The following UBE2R2 variants were observed in gnomAD, a reference collection of about 807,000 sequenced individuals.
UBE2R2 encodes ubiquitin conjugating enzyme E2 R2.
A neutral mutation model predicts 27.8 loss-of-function variants in UBE2R2; 1 was observed. The observed-to-expected ratio is 0.04, with a 90% CI of 0.01 to 0.17. The LOEUF (loss-of-function observed/expected upper bound fraction) is 0.17, where lower values mean the gene tolerates loss of function less well. Ranked by LOEUF, UBE2R2 falls within the 10% of genes least tolerant of loss-of-function variation. The probability of loss-of-function intolerance (pLI) is 1.00; values close to 1 mark genes in which losing one functional copy is unlikely to be tolerated. For synonymous variants in UBE2R2, 106 were observed against 113.3 expected, an observed-to-expected ratio of 0.94 and a Z score of 0.41; for missense variants, 100 against 291.0, an observed-to-expected ratio of 0.34 and a Z score of 4.78.
intron 3 of UBE2R2, among the ~76,000 whole-genome samples, chr9:33,906,753 T>A (rs976156162): frequency 3.9e-5 from 6 of 152,178 alleles, no homozygotes; most frequent in Non-Finnish European, 7.3e-5. Flanking sequence ...AATACTTCTT[T>A]AGGCCAGGCG....
intron 1 of UBE2R2, among the ~76,000 whole-genome samples, chr9:33,821,880 A>G (rs757046179): frequency 7.2e-5 from 11 of 152,064 alleles, no homozygotes; most frequent in Non-Finnish European, 1.5e-4. Flanking sequence ...CAGCCTCCCA[A>G]AATGTAATCC....
chr9:33,889,781 T>G (rs1395181352), intron 2 of UBE2R2, among the ~76,000 whole-genome samples: 1 of 152,124 alleles, frequency 6.6e-6, no homozygotes, highest in Non-Finnish European at 1.5e-5. Flanking sequence ...TCTGCCTCCC[T>G]TCAAGGATTC....
intron 4 of UBE2R2, among the ~76,000 whole-genome samples, chr9:33,915,461 TC>T (rs1393066837): frequency 6.6e-6 from 1 of 152,062 alleles, no homozygotes; most frequent in Non-Finnish European, 1.5e-5. Context: ...AGAGATGATG[TC>T]CCAGGGAGAG....
At chr9:33,849,456 C>G (rs1417767747) in intron 1 of UBE2R2, among the ~76,000 whole-genome samples, 1 of 151,884 alleles carries the variant, frequency 6.6e-6, no homozygotes, top group East Asian at 1.9e-4. Context: ...ATCAAACAAC[C>G]ATTAGTTACT....
intron 3 of UBE2R2, among the ~76,000 whole-genome samples, chr9:33,911,754 ATTTT>A (rs911588963): frequency 6.6e-6 from 1 of 151,848 alleles, no homozygotes; most frequent in Admixed American, 6.6e-5. Context: ...GCTGAAAAAA[ATTTT>A]TTTTTATTTT....
At chr9:33,898,117 G>T (rs889990043) in intron 2 of UBE2R2, among the ~76,000 whole-genome samples, 3 of 151,638 alleles carry the variant, frequency 2.0e-5, no homozygotes, top group African/African-American at 7.3e-5. Flanking sequence ...ATGGAGTCTC[G>T]CTCTGCCGCC....
rs576539462 is a variant in UBE2R2, at chr9:33,897,779, T to C, written c.265-2395T>C. On this transcript the variant is annotated intron_variant, in intron 2 of 4. Transcript: ENST00000263228. ...CAAGTTTCTCTTTTCTTTTTTCTTT[T>C]TTTTTTTTTTTTTGAGATGGAGTTT... Among the ~76,000 whole-genome samples the C allele has an allele frequency of 2.7e-5, 4 of 149,434 alleles. 2 individuals are homozygous for C. The South Asian group carries it at 8.5e-4, about 32-fold the overall frequency.
intron 1 of UBE2R2, among the ~76,000 whole-genome samples, chr9:33,865,475 C>T (rs567386536): frequency 3.3e-5 from 5 of 152,218 alleles, no homozygotes; most frequent in African/African-American, 7.2e-5. Flanking sequence ...GGATTACAGG[C>T]GTGAGCCACC....
chr9:33,916,929 ATAAG>A (rs571833310), intron 4 of UBE2R2, 85 bp from the exon 5 acceptor site: 2 of 1,524,982 alleles, frequency 1.3e-6, no homozygotes, highest in Non-Finnish European at 1.8e-6. Context: ...GAGCTGAGTC[ATAAG>A]TAATATTGAT....
chr9:33,872,335 G>A (rs1306843289), intron 1 of UBE2R2, among the ~76,000 whole-genome samples: 2 of 152,090 alleles, frequency 1.3e-5, no homozygotes, highest in African/African-American at 4.8e-5. Context: ...TGAGGCTGCA[G>A]TGAGCTGTGA....
chr9:33,904,779 C>T (rs1252985020), intron 3 of UBE2R2, among the ~76,000 whole-genome samples: 1 of 152,192 alleles, frequency 6.6e-6, no homozygotes, highest in African/African-American at 2.4e-5. Flanking sequence ...CCACAGGCCT[C>T]CTCCTCCCAG....
intron 2 of UBE2R2, among the ~76,000 whole-genome samples, chr9:33,887,366 G>A (rs1340711807): frequency 2.6e-5 from 4 of 152,194 alleles, no homozygotes; most frequent in Non-Finnish European, 5.9e-5. Flanking sequence ...TTGGTAGGGG[G>A]AGCGGGATTT....
At chr9:33,854,673 C>T (rs193219383) in intron 1 of UBE2R2, among the ~76,000 whole-genome samples, 4 of 151,414 alleles carry the variant, frequency 2.6e-5, no homozygotes, top group Non-Finnish European at 5.9e-5. Context: ...TTTTTTTCTA[C>T]ATGATTAGTT....
intron 1 of UBE2R2, among the ~76,000 whole-genome samples, chr9:33,865,053 G>T (rs749213707): frequency 1.4e-4 from 21 of 150,872 alleles, no homozygotes; most frequent in Admixed American, 3.3e-4. Context: ...TAGAGATGGG[G>T]TCTTGACATG....
At position 33,831,936 on chromosome 9, in the gene UBE2R2, C is replaced by CAGG. The variant is rs1214915456; in HGVS notation, c.177+14002_177+14003insAGG. On this transcript the variant is annotated intron_variant, in intron 1 of 4. Coordinates refer to ENST00000263228, the MANE Select transcript of UBE2R2 (RefSeq NM_017811.4). ...TCAGCCTCCCAAAGTGCTGGGATTA[C>CAGG]TGGCGTGTGCCACCGCGCCCGACCT... 9.1e-3 allele frequency among the ~76,000 whole-genome samples: 1,381 copies of CAGG among 152,034 alleles called. 22 individuals are homozygous for CAGG. Among genetic ancestry groups the CAGG allele is most frequent in the African/African-American group, 0.031 (1,299 of 41,552 alleles).
chr9:33,865,835 G>GTTTTTTTTTTTTT, intron 1 of UBE2R2, among the ~76,000 whole-genome samples: 1 of 137,020 alleles, frequency 7.3e-6, no homozygotes, highest in Non-Finnish European at 1.6e-5. Flanking sequence ...GTTTTTTTTT[G>GTTTTTTTTTTTTT]TTTTTTTTTT....
chr9:33,829,159 C>T (rs932535696), intron 1 of UBE2R2, among the ~76,000 whole-genome samples: 5 of 152,044 alleles, frequency 3.3e-5, no homozygotes, highest in African/African-American at 4.8e-5. Flanking sequence ...TGAGCCACCG[C>T]GCCTGGCCTT....
chr9:33,886,746 G>T, intron 1 of UBE2R2, 135 bp from the exon 2 acceptor site: 1 of 620,818 alleles, frequency 1.6e-6, no homozygotes, highest in Non-Finnish European at 2.5e-6. Context: ...AACAAAGTAT[G>T]TCTGAGCTAC....
chr9:33,895,768 CTT>C (rs776870484), intron 2 of UBE2R2, among the ~76,000 whole-genome samples: 7 of 90,278 alleles, frequency 7.8e-5, no homozygotes, highest in South Asian at 4.0e-4. Flanking sequence ...CTCTCTCTCT[CTT>C]TTTTTTTTTT....
Sources: gnomAD v4.1 joint callset for allele counts (sites outside exome capture counted in the v4.1 genomes callset) on GRCh38, gnomAD v4.1.1 for gene constraint, MANE v1.5 for transcripts, NCBI Gene and HGNC (gene_info 2026-07-23, HGNC 2026-07-21) for gene names.